The following ZFHX2 variants were observed in gnomAD, a reference collection of about 807,000 sequenced individuals.
ZFHX2 encodes zinc finger homeobox 2, also known as zinc finger homeobox protein 2.
A neutral mutation model predicts 164.8 loss-of-function variants in ZFHX2; 75 were observed. The ratio of observed to expected loss-of-function variants is 0.46; its 90% CI spans 0.38 to 0.55. ZFHX2 has a LOEUF of 0.55. Ranked by LOEUF, ZFHX2 falls within the 20% of genes least tolerant of loss-of-function variation. The pLI is 0.00. For synonymous variants in ZFHX2, 1,217 were observed against 1,351.4 expected, an observed-to-expected ratio of 0.90 and a Z score of 2.18; for missense variants, 2,933 against 3,308.0, an observed-to-expected ratio of 0.89 and a Z score of 2.78.
chr14:23,525,901 G>C lies in ZFHX2; in HGVS notation c.4041C>G (p.Pro1347=). The change falls in exon 9 of 10, where the codon CCC becomes CCG. Residue 1347 remains proline (P), a synonymous_variant. Coordinates refer to ENST00000419474, the MANE Select transcript of ZFHX2 (RefSeq NM_033400.3). This position sits in a 1 kb window ranked among gnomAD's most constrained non-coding sequence, Gnocchi z 5.9. ...GCAGTGATTCGGGCACCAGAGGGAA[G>C]GGGGGCAGGACTGGTGGGGTGAAGA... ...APLFTPPVLP[P]FPLVPESLLK... 3.4e-6 allele frequency: 5 copies of C among 1,461,562 alleles called. No individual in the cohort carries two copies. The highest frequency in any genetic ancestry group is 4.5e-6 in the Non-Finnish European group (5 of 1,111,390). 90.5% of individuals were successfully genotyped at this position (1,461,562 alleles called of 1,614,324 possible). A position where few individuals can be genotyped will look rare whatever the true frequency, so the allele number is the denominator to read the frequency against.
At chr14:23,538,320 AC>A (rs911234995) in intron 1 of ZFHX2, among the ~76,000 whole-genome samples, 8 of 148,686 alleles carry the variant, frequency 5.4e-5, no homozygotes, top group Admixed American at 4.0e-4. Flanking sequence ...TCCTCCCCCA[AC>A]CCCAACTCCC....
chr14:23,525,433 G>GTGGACATGTTCC lies in ZFHX2; in HGVS notation c.4497_4508dup (p.Val1502_His1503insGlnGluHisVal). On this transcript the variant is annotated inframe_insertion, in exon 9 of 10. Coordinates refer to ENST00000419474, the MANE Select transcript of ZFHX2 (RefSeq NM_033400.3). This position sits in a 1 kb window ranked among gnomAD's most constrained non-coding sequence, Gnocchi z 5.9. ...GGGCTTCAAAGGGCAGAAAGCGGCG[G>GTGGACATGTTCC]TGGACATGTTCCTCGTGTGTCTTGA... The GTGGACATGTTCC allele has an allele frequency of 6.5e-7, 1 of 1,536,178 alleles. No individual in the cohort carries two copies. Among genetic ancestry groups the GTGGACATGTTCC allele is most frequent in the Non-Finnish European group, 8.7e-7 (1 of 1,146,926 alleles).
Position 23,527,756 on chromosome 14 carries a change from C to T in ZFHX2, c.2983G>A (p.Val995Met), listed in dbSNP as rs184124304. The stretch of plus-strand genomic sequence containing the variant: ...TGCTGGGAGAGTGTATGAGCCCTCA[C>T]CTGGCTGGACTCTGGGCTCAGGAAG... Reference protein sequence around the residue: ...CSFLSPESSQVRAHTLSQHAV... With the variant: ...CSFLSPESSQMRAHTLSQHAV... Residue 995 changes from valine (V) to methionine (M), a missense_variant, in exon 7 of 10, where the codon GTG (valine) becomes ATG (methionine). Transcript: ENST00000419474. The T allele has an allele frequency of 1.2e-5, 18 of 1,536,156 alleles. 1 individual carries two copies. In the African/African-American group the frequency reaches 1.8e-4, roughly 15 times the overall value.
chr14:23,533,811 G>A lies in ZFHX2; in HGVS notation c.1515C>T (p.Tyr505=), dbSNP rs756960771. Reference sequence around the variant, plus strand: ...TGCAGACGTCACAGCGGTAGGGTTTGTAGCCACAGTTGTAGCTCTCTCCAC... The same window carrying A: ...TGCAGACGTCACAGCGGTAGGGTTTATAGCCACAGTTGTAGCTCTCTCCAC... ...LARGESYNCG[Y]KPYRCDVCNY... is the part of the protein sequence containing the mutation. The change falls in exon 2 of 10, where the codon TAC becomes TAT. Residue 505 remains tyrosine, a synonymous_variant. Transcript: ENST00000419474. This position sits in a 1 kb window ranked among gnomAD's most constrained non-coding sequence, Gnocchi z 4.8. The A allele has an allele frequency of 2.6e-6, 4 of 1,544,686 alleles. No individual in the cohort carries two copies. The highest frequency in any genetic ancestry group is 3.5e-6 in the Non-Finnish European group (4 of 1,151,414).
In ZFHX2 at chr14:23,523,093, G is replaced by A. The variant is rs868221640; in HGVS notation, c.6739+110C>T. The A allele has an allele frequency of 8.6e-6, 12 of 1,401,490 alleles. No homozygotes were observed. Among genetic ancestry groups the A allele is most frequent in the African/African-American group, 4.3e-5 (3 of 69,186 alleles). 86.8% of individuals were successfully genotyped at this position (1,401,490 alleles called of 1,614,324 possible). ...CTTTCCCCCAAGAGCCTGATGCAAA[G>A]GAAGGCCACAGGAGATTGGGCATGG... On this transcript the variant is annotated intron_variant, in intron 9 of 9. Transcript: ENST00000419474. This position sits in a 1 kb window ranked among gnomAD's most constrained non-coding sequence, Gnocchi z 4.1.
chr14:23,551,812 G>T (rs964274571), upstream of ZFHX2, among the ~76,000 whole-genome samples: 3 of 152,110 alleles, frequency 2.0e-5, no homozygotes, highest in African/African-American at 7.2e-5. The surrounding 1 kb of genome is among the most constrained non-coding windows in gnomAD (Gnocchi z 5.3). Flanking sequence ...CAGGTGCAGC[G>T]ACCCGCCCGC....
chr14:23,530,131 G>C lies in ZFHX2; in HGVS notation c.2864C>G (p.Thr955Arg), dbSNP rs924034206. Residue 955 changes from threonine to arginine, a missense_variant, in exon 5 of 10, where the codon ACA (threonine) becomes AGA (arginine). By Grantham distance (71) the Thr-to-Arg change is moderately conservative. Coordinates refer to ENST00000419474, the MANE Select transcript of ZFHX2 (RefSeq NM_033400.3). ...PTPEKDAQNK[T>R]EQLASEETEN... is the part of the protein sequence containing the mutation. Reference sequence around the variant, plus strand: ...GAGGGAAAACTCACCCAATTGTTCTGTCTTGTTCTGGGCATCTTTCTCAGG... The same window carrying C: ...GAGGGAAAACTCACCCAATTGTTCTCTCTTGTTCTGGGCATCTTTCTCAGG... 1.3e-6 allele frequency: 2 copies of C among 1,535,974 alleles called. No individual in the cohort carries two copies. The highest frequency in any genetic ancestry group is 1.4e-5 in the African/African-American group (1 of 72,980).
chr14:23,523,236 G>T lies in ZFHX2; in HGVS notation c.6706C>A (p.Pro2236Thr), dbSNP rs959165023. Residue 2236 changes from proline to threonine, a missense_variant, in exon 9 of 10, where the codon CCC (proline) becomes ACC (threonine). By Grantham distance (38) the Pro-to-Thr change is conservative (BLOSUM62 -1). Coordinates refer to ENST00000419474, the MANE Select transcript of ZFHX2 (RefSeq NM_033400.3). This position sits in a 1 kb window ranked among gnomAD's most constrained non-coding sequence, Gnocchi z 4.1. ...AAAGGAGCTAAGTTGCCCAGCGGGG[G>T]CTGAGCCAGAGCTGGGCCAGATAAG... ...VLLSGPALAQPPLGNLAPFNS... is the reference protein window; with the variant it reads ...VLLSGPALAQTPLGNLAPFNS... The T allele has an allele frequency of 5.0e-5, 72 of 1,432,662 alleles. No individual in the cohort carries two copies. Among genetic ancestry groups the T allele is most frequent in the South Asian group, 2.7e-4 (18 of 66,826 alleles). 88.7% of individuals were successfully genotyped at this position (1,432,662 alleles called of 1,614,324 possible). A position where few individuals can be genotyped will look rare whatever the true frequency, so the allele number is the denominator to read the frequency against.
At position 23,533,465 on chromosome 14, in the gene ZFHX2, G is replaced by T. The variant is rs1443843027; in HGVS notation, c.1861C>A (p.Pro621Thr). 6.5e-7 allele frequency: 1 copy of T among 1,535,236 alleles called. No individual in the cohort carries two copies. The highest frequency in any genetic ancestry group is 2.4e-5 in the East Asian group (1 of 40,882). ...GGGGGGCTAGTGGGGGTAGCCCCTG[G>T]TGGGGGAGGAGGGCCTGGCCCCATC... ...GLMGPGPPPP[P>T]GATPTSPPEL... Residue 621 changes from proline (P) to threonine (T), a missense_variant, in exon 2 of 10, where the codon CCA (proline) becomes ACA (threonine). By Grantham distance (38) the Pro-to-Thr change is conservative (BLOSUM62 -1). Coordinates refer to ENST00000419474, the MANE Select transcript of ZFHX2 (RefSeq NM_033400.3). This position sits in a 1 kb window ranked among gnomAD's most constrained non-coding sequence, Gnocchi z 4.8.
At position 23,522,202 on chromosome 14, in the gene ZFHX2, G is replaced by A. The variant is rs1878085030; in HGVS notation, c.7479C>T (p.Cys2493=). Residue 2493 remains cysteine, a synonymous_variant, in exon 10 of 10, where the codon TGC becomes TGT. Coordinates refer to ENST00000419474, the MANE Select transcript of ZFHX2 (RefSeq NM_033400.3). ...SMPPPLRVPI[C]TYHCLACEVL... ...CCTCACATGCCAGGCAGTGGTAGGT[G>A]CAGATGGGCACCCGCAATGGGGGTG... is the stretch of plus-strand genomic sequence containing the variant. 5 of 1,483,236 alleles carry A rather than the reference G, an allele frequency of 3.4e-6. No individual in the cohort carries two copies. Among genetic ancestry groups the A allele is most frequent in the Non-Finnish European group, 3.6e-6 (4 of 1,119,758 alleles). 91.9% of individuals were successfully genotyped at this position (1,483,236 alleles called of 1,614,324 possible).
rs548027000 is a variant in ZFHX2, at chr14:23,523,936, A to G, written c.6006T>C (p.Pro2002=). The G allele has an allele frequency of 1.3e-6, 2 of 1,535,922 alleles. No homozygotes were observed. The highest frequency in any genetic ancestry group is 2.0e-5 in the Admixed American group (1 of 50,968). Residue 2002 remains proline (P), a synonymous_variant, in exon 9 of 10, where the codon CCT becomes CCC. Transcript: ENST00000419474. This position sits in a 1 kb window ranked among gnomAD's most constrained non-coding sequence, Gnocchi z 4.1. ...PEPPLPLLPP[P]PPSEEEGPEE... is the part of the protein sequence containing the mutation. ...CTGGGCCCTCTTCCTCACTGGGTGG[A>G]GGGGGAGGTAGGAGAGGTAGAGGTG...
chr14:23,541,271 A>C (rs976225745), intron 1 of ZFHX2, among the ~76,000 whole-genome samples: 6 of 150,654 alleles, frequency 4.0e-5, no homozygotes, highest in African/African-American at 7.3e-5. Context: ...TGAGGGCAGA[A>C]TCTTAGATGG....
chr14:23,550,865 G>A (rs1481059955), intron 1 of ZFHX2, among the ~76,000 whole-genome samples: 1 of 151,516 alleles, frequency 6.6e-6, no homozygotes, highest in Non-Finnish European at 1.5e-5. Context: ...CCATCAGCCC[G>A]CCGGCCGCGG....
intron 1 of ZFHX2, chr14:23,543,053 G>A (rs1357558200): frequency 6.6e-6 from 1 of 152,204 alleles, no homozygotes; most frequent in East Asian, 1.9e-4. Flanking sequence ...GACCGTGTAT[G>A]TAAATAAGTC....
In ZFHX2 at chr14:23,526,452, G is replaced by T. The variant is rs935888005; in HGVS notation, c.3490C>A (p.Pro1164Thr). The T allele has an allele frequency of 2.6e-6, 4 of 1,536,132 alleles. No homozygotes were observed. In the African/African-American group the frequency reaches 5.5e-5, roughly 21 times the overall value. Residue 1164 changes from proline (P) to threonine (T), a missense_variant, in exon 9 of 10, where the codon CCA becomes ACA. Transcript: ENST00000419474. ...GTCAGAGGGTGGCGAGAGTCAGCTG[G>T]AGCTGGCTCTGCAGAGCGGAGCTCC... is the stretch of plus-strand genomic sequence containing the variant. ...TGELRSAEPA[P>T]ADSRHPLTYR...
In ZFHX2 at chr14:23,522,542, C is replaced by T; in HGVS notation, c.7139G>A (p.Gly2380Glu). 6.5e-7 allele frequency: 1 copy of T among 1,527,306 alleles called. No homozygotes were observed. The highest frequency in any genetic ancestry group is 1.2e-5 in the South Asian group (1 of 83,386). 94.6% of individuals were successfully genotyped at this position (1,527,306 alleles called of 1,614,324 possible). ...YFQQLYGMKKGLFPMNPMIPQ... is the reference protein window; with the variant it reads ...YFQQLYGMKKELFPMNPMIPQ... ...TATCATGGGGTTCATGGGAAATAGC[C>T]CCTTCTTCATGCCATAGAGCTGTTG... The change falls in exon 10 of 10, where the codon GGG (glycine) becomes GAG (glutamate). Residue 2380 changes from glycine to glutamate, a missense_variant. Gly to Glu is a moderately conservative substitution (Grantham distance 98). Coordinates refer to ENST00000419474, the MANE Select transcript of ZFHX2 (RefSeq NM_033400.3).
Position 23,533,107 on chromosome 14 carries a change from T to C in ZFHX2, c.2042-23A>G, listed in dbSNP as rs935630849. 2 of 1,491,474 alleles carry C rather than the reference T, an allele frequency of 1.3e-6. No homozygotes were observed. The highest frequency in any genetic ancestry group is 2.8e-5 in the African/African-American group (2 of 71,832). 92.4% of individuals were successfully genotyped at this position (1,491,474 alleles called of 1,614,324 possible). A position where few individuals can be genotyped will look rare whatever the true frequency, so the allele number is the denominator to read the frequency against. On this transcript the variant is annotated intron_variant, in intron 2 of 9. Coordinates refer to ENST00000419474, the MANE Select transcript of ZFHX2 (RefSeq NM_033400.3). The surrounding 1 kb of genome is among the most constrained non-coding windows in gnomAD (Gnocchi z 4.8). The stretch of plus-strand genomic sequence containing the variant: ...GGGCTAGAGGACAGAGACAGATTAG[T>C]GGCCCAAGAAAGAAATGGGGCACGG...
In ZFHX2 at chr14:23,527,690, G is replaced by A. The variant is rs953426779; in HGVS notation, c.3049C>T (p.Gln1017Ter). The A allele has an allele frequency of 3.3e-6, 5 of 1,536,178 alleles. No individual in the cohort carries two copies. The highest frequency in any genetic ancestry group is 4.4e-6 in the Non-Finnish European group (5 of 1,146,948). Reference protein sequence around the residue: ...PKYRCPLCQEQLVGRPALHFH... With the variant: ...PKYRCPLCQE ...TGCAGGGCAGGCCGGCCCACCAGCTGTTCCTGGCACAGTGGGCATCTGTAC... is the reference window on the plus strand; with the variant it reads ...TGCAGGGCAGGCCGGCCCACCAGCTATTCCTGGCACAGTGGGCATCTGTAC... Residue 1017 changes from glutamine to a stop codon, truncating the protein, a stop_gained, in exon 7 of 10, where the codon CAG becomes TAG. Transcript: ENST00000419474. LOFTEE classifies it high-confidence loss of function.
In ZFHX2 at chr14:23,523,266, C is replaced by A. The variant is rs1566570183; in HGVS notation, c.6676G>T (p.Val2226Phe). The A allele has an allele frequency of 3.5e-6, 5 of 1,436,412 alleles. No individual in the cohort carries two copies. Among genetic ancestry groups the A allele is most frequent in the Non-Finnish European group, 4.5e-6 (5 of 1,099,298 alleles). The allele number at this position is 1,436,412 out of a possible 1,614,324, so 89.0% of individuals were successfully genotyped here. The change falls in exon 9 of 10, where the codon GTC (valine) becomes TTC (phenylalanine). Residue 2226 changes from valine to phenylalanine, a missense_variant. Coordinates refer to ENST00000419474, the MANE Select transcript of ZFHX2 (RefSeq NM_033400.3). The surrounding 1 kb of genome is among the most constrained non-coding windows in gnomAD (Gnocchi z 4.1). The part of the protein sequence containing the change: ...AAPTLPRLAP[V>F]LLSGPALAQP... The stretch of plus-strand genomic sequence containing the variant: ...GCCAGAGCTGGGCCAGATAAGAGGA[C>A]CGGCGCCAGGCGAGGCAAGGTTGGG...
Sources: allele counts gnomAD v4.1 joint callset (sites outside exome capture counted in the v4.1 genomes callset), GRCh38; gene constraint gnomAD v4.1.1; non-coding constraint Gnocchi (gnomAD v3.1); transcripts MANE v1.5; gene names NCBI Gene and HGNC (gene_info 2026-07-23, HGNC 2026-07-21).